Variants in SUGCT observed in about 807,000 individuals in gnomAD.
The protein encoded by SUGCT is succinyl-CoA:glutarate CoA-transferase.
SUGCT carries 41 observed loss-of-function variants against 55.0 expected under a neutral mutation model. The ratio of observed to expected loss-of-function variants is 0.74; its 90% CI spans 0.58 to 0.97. The LOEUF is 0.97. SUGCT is among the 50% of genes least tolerant of loss of function. SUGCT has a pLI of 0.00. For missense variants in SUGCT, 568 were observed against 547.8 expected, an observed-to-expected ratio of 1.04 and a Z score of -0.37; for synonymous variants, 187 against 200.4, an observed-to-expected ratio of 0.93 and a Z score of 0.56.
chr7:40,429,099 A>G (rs1161435194), intron 9 of SUGCT, among the ~76,000 whole-genome samples: 1 of 146,524 alleles, frequency 6.8e-6, no homozygotes, highest in African/African-American at 2.5e-5. Flanking sequence ...AAGTTAACAT[A>G]TCCATCATCT....
chr7:40,377,198 C>CTT (rs376287161), intron 9 of SUGCT, among the ~76,000 whole-genome samples: 2 of 16,562 alleles, frequency 1.2e-4, no homozygotes, highest in Non-Finnish European at 2.3e-4. Flanking sequence ...TTCTTTCTTT[C>CTT]TTTTCTTTTC....
chr7:40,217,147 C>T (rs1787710915), intron 6 of SUGCT, among the ~76,000 whole-genome samples: 1 of 152,082 alleles, frequency 6.6e-6, no homozygotes, highest in Non-Finnish European at 1.5e-5. Context: ...GCCACAGATA[C>T]CATTTGATGT....
intron 6 of SUGCT, among the ~76,000 whole-genome samples, chr7:40,208,966 C>A (rs1787173764): frequency 1.3e-5 from 2 of 152,056 alleles, no homozygotes. Flanking sequence ...AAATTTTGAC[C>A]AATATTTCAT....
chr7:40,560,616 T>C (rs548444680), intron 12 of SUGCT, among the ~76,000 whole-genome samples: 1 of 152,340 alleles, frequency 6.6e-6, no homozygotes, highest in South Asian at 2.1e-4. Flanking sequence ...ATTATACTGA[T>C]AGAGACAAAT....
intron 13 of SUGCT, among the ~76,000 whole-genome samples, chr7:40,780,188 A>T (rs766500473): frequency 6.6e-6 from 1 of 152,162 alleles, no homozygotes; most frequent in Non-Finnish European, 1.5e-5. Context: ...CTGGATGGGA[A>T]TCAGGTGCTG....
At chr7:40,372,143 G>A (rs1001774313) in intron 9 of SUGCT, among the ~76,000 whole-genome samples, 6 of 151,528 alleles carry the variant, frequency 4.0e-5, no homozygotes, top group Admixed American at 1.3e-4. Flanking sequence ...TTTTTTTGAC[G>A]CTCTTCCTGT....
At chr7:40,152,703 GTT>G (rs754938220) in intron 1 of SUGCT, 16 of 150,532 alleles carry the variant, frequency 1.1e-4, no homozygotes, top group African/African-American at 5.1e-5. Context: ...AAATTAAGGT[GTT>G]TTTTTTTTTT....
intron 12 of SUGCT, among the ~76,000 whole-genome samples, chr7:40,618,008 A>G (rs560402098): frequency 1.4e-3 from 207 of 152,264 alleles, no homozygotes; most frequent in African/African-American, 4.8e-3. Flanking sequence ...TATCCATTTC[A>G]TTCTTTCTCT....
chr7:40,156,594 A>G (rs1413077319), intron 1 of SUGCT, among the ~76,000 whole-genome samples: 2 of 152,152 alleles, frequency 1.3e-5, no homozygotes, highest in Non-Finnish European at 2.9e-5. Context: ...TCCTATTTTA[A>G]CTACCCTCCT....
chr7:40,746,473 T>G (rs1282512629), intron 12 of SUGCT, among the ~76,000 whole-genome samples: 1 of 152,214 alleles, frequency 6.6e-6, no homozygotes, highest in African/African-American at 2.4e-5. Context: ...CCAGCCCATT[T>G]GCCTCATAAT....
rs139871126 is a variant in SUGCT at position 40,692,149 on chromosome 7, G to A, written c.1090-57285G>A. Among the ~76,000 whole-genome samples the A allele has an allele frequency of 9.9e-4, 150 of 152,254 alleles. 1 individual carries two copies. The highest frequency in any genetic ancestry group is 7.8e-3 in the Admixed American group (119 of 15,268). On this transcript the variant is annotated intron_variant, in intron 12 of 13. Coordinates refer to ENST00000335693, the MANE Select transcript of SUGCT (RefSeq NM_001193313.2). Reference sequence around the variant, plus strand: ...TGTGTCTGTTATGTCTCAAGGCTATGCTAGATGCTGAGCAGAGAAAGGGCT... The same window carrying A: ...TGTGTCTGTTATGTCTCAAGGCTATACTAGATGCTGAGCAGAGAAAGGGCT...
chr7:40,266,831 A>G (rs1791609660), intron 7 of SUGCT, among the ~76,000 whole-genome samples: 1 of 152,014 alleles, frequency 6.6e-6, no homozygotes, highest in South Asian at 2.1e-4. Context: ...CTTGGCCGAT[A>G]TGGTGAAACC....
chr7:40,787,230 A>G (rs1406578093), intron 13 of SUGCT, among the ~76,000 whole-genome samples: 3 of 152,208 alleles, frequency 2.0e-5, no homozygotes, highest in Admixed American at 2.0e-4. Flanking sequence ...AAATCTGTTC[A>G]AAATCACCAG....
rs140537347 is a variant in SUGCT at position 40,857,360 on chromosome 7, G to A, written c.1154-2956G>A. 2.8e-3 allele frequency among the ~76,000 whole-genome samples: 425 copies of A among 152,288 alleles called. 3 individuals are homozygous for A. Among genetic ancestry groups the A allele is most frequent in the African/African-American group, 9.7e-3 (405 of 41,558 alleles). On this transcript the variant is annotated intron_variant, in intron 13 of 13. Coordinates refer to ENST00000335693, the MANE Select transcript of SUGCT (RefSeq NM_001193313.2). ...AGAACAGATTTCAAATGGCTCATGG[G>A]AATTTAGCTTTCTCTGAGATCTTGA...
At chr7:40,978,188 C>T in the SUGCT span, among the ~76,000 whole-genome samples, 5 of 152,184 alleles carry the variant, frequency 3.3e-5, no homozygotes, top group Admixed American at 2.6e-4. Flanking sequence ...CCCTCACTTG[C>T]ACCCCTCTGC....
intron 9 of SUGCT, among the ~76,000 whole-genome samples, chr7:40,321,078 C>CTT (rs35504638): frequency 1.4e-4 from 19 of 138,188 alleles, no homozygotes; most frequent in African/African-American, 2.1e-4. Flanking sequence ...TTCTTTCTTT[C>CTT]TTTTTTTTTT....
intron 6 of SUGCT, among the ~76,000 whole-genome samples, chr7:40,226,516 G>C (rs1466756486): frequency 6.6e-6 from 1 of 151,566 alleles, no homozygotes; most frequent in Non-Finnish European, 1.5e-5. Context: ...CTGGCTCTTG[G>C]TTTTGTTTCT....
intron 6 of SUGCT, among the ~76,000 whole-genome samples, chr7:40,195,761 C>G (rs1485330936): frequency 7.3e-6 from 1 of 137,072 alleles, no homozygotes; most frequent in Non-Finnish European, 1.5e-5. Flanking sequence ...GTCGCCCAGC[C>G]TGGAGTTTAG....
intron 13 of SUGCT, among the ~76,000 whole-genome samples, chr7:40,830,497 T>A (rs576506655): frequency 2.6e-5 from 4 of 152,262 alleles, no homozygotes; most frequent in South Asian, 4.2e-4. Context: ...TTCCCTCTTC[T>A]TAGATGCCTC....
Sources: gnomAD v4.1 joint callset for allele counts (sites outside exome capture counted in the v4.1 genomes callset) on GRCh38, gnomAD v4.1.1 for gene constraint, MANE v1.5 for transcripts, NCBI Gene and HGNC (gene_info 2026-07-23, HGNC 2026-07-21) for gene names.